MAMDC2: variants seen among roughly 807,000 people sequenced by gnomAD.
MAMDC2 encodes the protein MAM domain-containing protein 2.
Under a neutral mutation model 89.8 loss-of-function variants are expected in MAMDC2, and 57 were observed. That is an observed-to-expected ratio of 0.63 (90% CI 0.51 to 0.79). MAMDC2 has a LOEUF of 0.79. Among genes scored for constraint, MAMDC2 ranks in the 30% least tolerant of loss-of-function variants. MAMDC2 has a pLI of 0.00. For missense variants in MAMDC2, 800 were observed against 820.6 expected (o/e 0.97, Z 0.31); for synonymous variants, 313 against 293.4 (o/e 1.07, Z -0.68).
At chr9:70,166,963 T>C (rs1383082636) in intron 9 of MAMDC2, among the ~76,000 whole-genome samples, 1 of 152,146 alleles carries the variant, frequency 6.6e-6, no homozygotes, top group Non-Finnish European at 1.5e-5. Context: ...CCTTCCCATA[T>C]AACAAAAAAA....
At chr9:70,071,071 A>G (rs1827394685) in intron 2 of MAMDC2, among the ~76,000 whole-genome samples, 1 of 152,190 alleles carries the variant, frequency 6.6e-6, no homozygotes, top group Non-Finnish European at 1.5e-5. Flanking sequence ...ACCTAGTGGA[A>G]TTCCTCCACA....
chr9:70,059,698 G>A (rs1827103550), intron 2 of MAMDC2, among the ~76,000 whole-genome samples: 1 of 152,144 alleles, frequency 6.6e-6, no homozygotes, highest in South Asian at 2.1e-4. Context: ...CTCAATCCTT[G>A]AAAATAGATT....
At chr9:70,194,042 TA>T (rs2032932531) in intron 11 of MAMDC2, 1 of 152,082 alleles carries the variant, frequency 6.6e-6, no homozygotes, top group Non-Finnish European at 1.5e-5. Flanking sequence ...TCAGAATCAA[TA>T]CATCATCATA....
intron 2 of MAMDC2, chr9:70,071,616 T>C (rs1042519824): frequency 6.6e-6 from 1 of 152,196 alleles, no homozygotes; most frequent in South Asian, 2.1e-4. Context: ...TTCTTATCAG[T>C]AAGATAAAGC....
At chr9:70,152,329 T>C (rs2031609532) in intron 9 of MAMDC2, among the ~76,000 whole-genome samples, 1 of 152,116 alleles carries the variant, frequency 6.6e-6, no homozygotes, top group Non-Finnish European at 1.5e-5. Context: ...TATGGACAGA[T>C]TCTGTGAGAT....
chr9:70,135,637 G>A (rs1009036493), intron 7 of MAMDC2, among the ~76,000 whole-genome samples: 2 of 151,996 alleles, frequency 1.3e-5, no homozygotes, highest in African/African-American at 4.8e-5. Context: ...TTTTTGATAG[G>A]CATTATTTTT....
intron 11 of MAMDC2, among the ~76,000 whole-genome samples, chr9:70,198,656 A>C (rs2033027762): frequency 6.6e-6 from 1 of 152,138 alleles, no homozygotes; most frequent in Non-Finnish European, 1.5e-5. Flanking sequence ...TTTCCAGAGA[A>C]AGAAACACCA....
At chr9:70,067,366 C>T (rs1284831093) in intron 2 of MAMDC2, among the ~76,000 whole-genome samples, 7 of 152,248 alleles carry the variant, frequency 4.6e-5, no homozygotes, top group African/African-American at 1.7e-4. Context: ...TGGAGGGACA[C>T]TCCCTGTCCC....
intron 11 of MAMDC2, among the ~76,000 whole-genome samples, chr9:70,215,930 T>C (rs2118681353): frequency 6.6e-6 from 1 of 152,232 alleles, no homozygotes; most frequent in African/African-American, 2.4e-5. Context: ...TTTGTAGAAA[T>C]AAGAAAAAGA....
chr9:70,182,052 T>C (rs547949716), intron 11 of MAMDC2, among the ~76,000 whole-genome samples: 285 of 152,176 alleles, frequency 1.9e-3, no homozygotes, highest in African/African-American at 6.6e-3. Context: ...TTATTGAGAG[T>C]TTTTAGCATG....
chr9:70,130,806 A>G (rs931918853), intron 6 of MAMDC2, among the ~76,000 whole-genome samples: 1 of 152,078 alleles, frequency 6.6e-6, no homozygotes, highest in Non-Finnish European at 1.5e-5. Flanking sequence ...AAACAAAAAA[A>G]CAAAAAAAAA....
chr9:70,196,826 C>T (rs1003993362), intron 11 of MAMDC2, among the ~76,000 whole-genome samples: 1 of 151,964 alleles, frequency 6.6e-6, no homozygotes, highest in Non-Finnish European at 1.5e-5. Flanking sequence ...GGATAGTGTA[C>T]AAAGCAAAGA....
chr9:70,189,224 C>T (rs1251848316), intron 11 of MAMDC2, among the ~76,000 whole-genome samples: 6 of 152,094 alleles, frequency 3.9e-5, no homozygotes, highest in Non-Finnish European at 8.8e-5. Context: ...GAAGGACTTC[C>T]TTTAGTAGCT....
intron 2 of MAMDC2, among the ~76,000 whole-genome samples, chr9:70,072,763 CA>C (rs1029066750): frequency 1.3e-5 from 2 of 150,268 alleles, no homozygotes; most frequent in Non-Finnish European, 3.0e-5. Flanking sequence ...AAGGTTAAGA[CA>C]AAAAAAAGTA....
intron 12 of MAMDC2, among the ~76,000 whole-genome samples, chr9:70,220,297 A>T (rs1031472653): frequency 2.0e-5 from 3 of 152,152 alleles, no homozygotes; most frequent in Non-Finnish European, 2.9e-5. Context: ...TTGAGTACAG[A>T]GTAGTGTGGC....
intron 6 of MAMDC2, among the ~76,000 whole-genome samples, chr9:70,129,818 G>A (rs1280751622): frequency 2.0e-5 from 3 of 152,158 alleles, no homozygotes; most frequent in Non-Finnish European, 4.4e-5. Flanking sequence ...GGTCGCTTAA[G>A]AAACAGAAAT....
rs570225281 is a variant in MAMDC2, at chr9:70,198,263, A to G, written c.1652-20074A>G. On this transcript the variant is annotated intron_variant, in intron 11 of 13. Coordinates refer to ENST00000377182, the MANE Select transcript of MAMDC2 (RefSeq NM_153267.5). ...ACAGTAAGAGATATATACAAACTAC[A>G]TATATACAGTTTGGTACTATCCACA... Among the ~76,000 whole-genome samples, 20 of 151,792 alleles carry G rather than the reference A, an allele frequency of 1.3e-4. No individual in the cohort carries two copies. The South Asian group carries it at 3.9e-3, about 30-fold the overall frequency.
chr9:70,051,114 TGTCAATCA>T (rs1826883866), intron 2 of MAMDC2, among the ~76,000 whole-genome samples: 1 of 152,226 alleles, frequency 6.6e-6, no homozygotes, highest in African/African-American at 2.4e-5. Flanking sequence ...TTGGCCTTCC[TGTCAATCA>T]GTCTGGGTGC....
intron 9 of MAMDC2, among the ~76,000 whole-genome samples, chr9:70,163,004 T>C (rs989804553): frequency 1.3e-5 from 2 of 152,080 alleles, no homozygotes; most frequent in African/African-American, 4.8e-5. Flanking sequence ...TGTCATTATG[T>C]TGTTTCTAGA....
Sources: allele counts gnomAD v4.1 joint callset (sites outside exome capture counted in the v4.1 genomes callset), GRCh38; gene constraint gnomAD v4.1.1; transcripts MANE v1.5; gene names NCBI Gene and HGNC (gene_info 2026-07-23, HGNC 2026-07-21).